COL24A1: variants seen among roughly 807,000 people sequenced by gnomAD.
COL24A1 encodes collagen type XXIV alpha 1 chain.
A neutral mutation model predicts 253.9 loss-of-function variants in COL24A1; 224 were observed. That is an observed-to-expected ratio of 0.88 (90% CI 0.79 to 0.99). COL24A1 has a LOEUF of 0.99. Ranked by LOEUF, COL24A1 falls within the 50% of genes least tolerant of loss-of-function variation. The probability of loss-of-function intolerance (pLI) is 0.00; values close to 1 mark genes in which losing one functional copy is unlikely to be tolerated. For missense variants in COL24A1, 2,131 were observed against 2,068.5 expected (o/e 1.03, Z -0.59); for synonymous variants, 685 against 673.7 (o/e 1.02, Z -0.26).
At chr1:86,104,996 G>A (rs778380155) in intron 5 of COL24A1, among the ~76,000 whole-genome samples, 11 of 152,358 alleles carry the variant, frequency 7.2e-5, no homozygotes, top group Admixed American at 2.6e-4. Flanking sequence ...GCACAGGGAC[G>A]AGGCACTGGC....
chr1:85,774,882 C>T (rs1314279352), intron 53 of COL24A1, among the ~76,000 whole-genome samples: 1 of 152,156 alleles, frequency 6.6e-6, no homozygotes, highest in African/African-American at 2.4e-5. Context: ...CAGTTCTGCT[C>T]TGATCTTAGT....
Position 85,940,809 on chromosome 1 carries a change from G to A in COL24A1, c.2562+20440C>T, listed in dbSNP as rs574126479. ...GAGGAAGGTCTGGCAGTGATCAAGA[G>A]AATATGCCTGGAATGTCTACTCAAC... On this transcript the variant is annotated intron_variant, in intron 24 of 59. Coordinates refer to ENST00000370571, the MANE Select transcript of COL24A1 (RefSeq NM_152890.7). 1.0e-3 allele frequency among the ~76,000 whole-genome samples: 154 copies of A among 152,290 alleles called. No homozygotes were observed. The Middle Eastern group carries it at 0.014, about 13-fold the overall frequency.
intron 2 of COL24A1, among the ~76,000 whole-genome samples, chr1:86,133,049 C>A (rs1446678067): frequency 6.6e-6 from 1 of 151,652 alleles, no homozygotes; most frequent in Non-Finnish European, 1.5e-5. Context: ...GTTTGTAGTT[C>A]TCCTTGAAGA....
intron 2 of COL24A1, among the ~76,000 whole-genome samples, chr1:86,142,111 G>A (rs1651184411): frequency 6.7e-6 from 1 of 149,880 alleles, no homozygotes; most frequent in South Asian, 2.1e-4. Flanking sequence ...GAGAGCAGAA[G>A]AAAAGTTGAA....
intron 43 of COL24A1, among the ~76,000 whole-genome samples, chr1:85,828,112 G>A (rs949697203): frequency 5.3e-5 from 8 of 151,972 alleles, no homozygotes; most frequent in African/African-American, 1.4e-4. Flanking sequence ...AGAGATTCTG[G>A]TATGTTGTGT....
chr1:85,925,044 C>A (rs914732883), intron 24 of COL24A1, among the ~76,000 whole-genome samples: 15 of 152,132 alleles, frequency 9.9e-5, no homozygotes, highest in African/African-American at 3.1e-4. Context: ...AAACAGAGAG[C>A]CAAATCATGA....
At chr1:85,798,533 T>C (rs1671068338) in intron 47 of COL24A1, among the ~76,000 whole-genome samples, 1 of 152,120 alleles carries the variant, frequency 6.6e-6, no homozygotes. Context: ...AAAAAGTGTA[T>C]CTTCTTAGAA....
chr1:85,733,974 C>T (rs912647289), intron 59 of COL24A1, among the ~76,000 whole-genome samples: 1 of 151,074 alleles, frequency 6.6e-6, no homozygotes, highest in African/African-American at 2.4e-5. Flanking sequence ...GCGATCTTGG[C>T]TCACTGCAAC....
chr1:86,098,540 T>A (rs1704192858), intron 5 of COL24A1, among the ~76,000 whole-genome samples: 1 of 152,038 alleles, frequency 6.6e-6, no homozygotes, highest in Non-Finnish European at 1.5e-5. Context: ...GGGGAAACAG[T>A]TTGGGGGTTT....
At chr1:85,788,663 C>T (rs1183734455) in intron 47 of COL24A1, among the ~76,000 whole-genome samples, 1 of 152,142 alleles carries the variant, frequency 6.6e-6, no homozygotes, top group Admixed American at 6.5e-5. Flanking sequence ...ATAGTATTGC[C>T]TAGATTTTCT....
At chr1:86,018,776 C>T (rs544060162) in intron 18 of COL24A1, among the ~76,000 whole-genome samples, 2 of 152,192 alleles carry the variant, frequency 1.3e-5, no homozygotes, top group African/African-American at 2.4e-5. Context: ...AAATCCCTAG[C>T]TAAAAAATGG....
intron 47 of COL24A1, among the ~76,000 whole-genome samples, chr1:85,804,330 A>G (rs1226868053): frequency 6.6e-6 from 1 of 152,202 alleles, no homozygotes; most frequent in East Asian, 1.9e-4. Flanking sequence ...ACACTTGGTT[A>G]TTATGTTCAG....
At chr1:86,026,759 TAACAGGCAGAGGCTGG>T (rs1698069835) in intron 14 of COL24A1, among the ~76,000 whole-genome samples, 1 of 152,130 alleles carries the variant, frequency 6.6e-6, no homozygotes, top group African/African-American at 2.4e-5. Context: ...TGGAACTGGG[TAACAGGCAGAGGCTGG>T]AACAGTGTGG....
At chr1:86,053,805 C>T (rs1700486984) in intron 10 of COL24A1, among the ~76,000 whole-genome samples, 1 of 151,998 alleles carries the variant, frequency 6.6e-6, no homozygotes, top group South Asian at 2.1e-4. Context: ...CAAATAACTG[C>T]CAATGAAAAG....
intron 42 of COL24A1, among the ~76,000 whole-genome samples, chr1:85,839,976 T>C (rs993780809): frequency 2.0e-5 from 3 of 152,118 alleles, no homozygotes; most frequent in African/African-American, 7.2e-5. Context: ...AAGCATAGGA[T>C]TTATTATAGA....
Position 85,794,160 on chromosome 1 carries a change from T to C in COL24A1, c.3952-7699A>G, listed in dbSNP as rs72728323. Reference sequence around the variant, plus strand: ...GAGCCTCTTATCTCCAGATATTTTATAGAGGTAATGGATATTTTAGGGAGA... The same window carrying C: ...GAGCCTCTTATCTCCAGATATTTTACAGAGGTAATGGATATTTTAGGGAGA... On this transcript the variant is annotated intron_variant, in intron 47 of 59. Transcript: ENST00000370571. Among the ~76,000 whole-genome samples the C allele has an allele frequency of 1.1e-3, 174 of 152,280 alleles. 2 individuals carry two copies. The highest frequency in any genetic ancestry group is 2.2e-3 in the Non-Finnish European group (147 of 67,996).
At chr1:85,739,502 G>A (rs886490287) in intron 57 of COL24A1, among the ~76,000 whole-genome samples, 30 of 152,278 alleles carry the variant, frequency 2.0e-4, no homozygotes, top group South Asian at 4.1e-4. Context: ...CCCGAAGGTG[G>A]CAAGGCATCT....
chr1:85,978,823 C>T (rs1172950457), intron 20 of COL24A1, among the ~76,000 whole-genome samples: 2 of 152,066 alleles, frequency 1.3e-5, no homozygotes, highest in Non-Finnish European at 2.9e-5. Context: ...TTCATCTATG[C>T]CCTAGAACAA....
At chr1:85,790,478 AT>A (rs55658815) in intron 47 of COL24A1, among the ~76,000 whole-genome samples, 16,892 of 128,776 alleles carry the variant, frequency 0.13, 1,231 homozygotes, top group Non-Finnish European at 0.17. Context: ...GATCTATTTC[AT>A]TTTTTTTTTT....
Sources: allele counts gnomAD v4.1 joint callset (sites outside exome capture counted in the v4.1 genomes callset), GRCh38; gene constraint gnomAD v4.1.1; transcripts MANE v1.5; gene names NCBI Gene and HGNC (gene_info 2026-07-23, HGNC 2026-07-21).